Variants in CNTNAP5 observed in about 807,000 individuals in gnomAD.
CNTNAP5 encodes contactin-associated protein-like 5.
CNTNAP5 carries 72 observed loss-of-function variants against 150.2 expected under a neutral mutation model. The ratio of observed to expected loss-of-function variants is 0.48; its 90% CI spans 0.40 to 0.58. The LOEUF (loss-of-function observed/expected upper bound fraction) is 0.58. Among genes scored for constraint, CNTNAP5 ranks in the 20% least tolerant of loss-of-function variants. The pLI, the probability that CNTNAP5 is intolerant of heterozygous loss-of-function variation, is 0.00. For synonymous variants in CNTNAP5, 672 were observed against 619.8 expected (o/e 1.08, Z -1.25); for missense variants, 1,636 against 1,626.2 (o/e 1.01, Z -0.10).
chr2:124,807,626 A>C (rs577343147), intron 19 of CNTNAP5, among the ~76,000 whole-genome samples: 22 of 152,350 alleles, frequency 1.4e-4, no homozygotes, highest in African/African-American at 4.3e-4. Context: ...GTGGGGCTGG[A>C]AATCAAAGCC....
intron 1 of CNTNAP5, among the ~76,000 whole-genome samples, chr2:124,104,809 A>G (rs1362320057): frequency 6.6e-6 from 1 of 152,178 alleles, no homozygotes; most frequent in Non-Finnish European, 1.5e-5. Flanking sequence ...CATTCAAAAC[A>G]GCATAGGAGC....
At chr2:124,666,447 A>G (rs772651617) in intron 13 of CNTNAP5, among the ~76,000 whole-genome samples, 4 of 152,078 alleles carry the variant, frequency 2.6e-5, no homozygotes, top group East Asian at 1.9e-4. Context: ...TTAGTATCTT[A>G]TTGTCACAAA....
At chr2:124,265,042 C>T (rs1464765946) in intron 3 of CNTNAP5, among the ~76,000 whole-genome samples, 1 of 152,150 alleles carries the variant, frequency 6.6e-6, no homozygotes, top group Admixed American at 6.5e-5. Flanking sequence ...AATGGTGTTG[C>T]TAGAGGATGT....
chr2:124,789,903 G>A lies in CNTNAP5; in HGVS notation c.2754G>A (p.Gly918=), dbSNP rs1298225136. The part of the protein sequence containing the change: ...RLQLNSQLFV[G]GTSSRQKGFL... Reference sequence around the variant, plus strand: ...GTTTCCTTTTATTTAACCTCTTAGGGGGAACGTCATCCAGACAGAAAGGCT... The same window carrying A: ...GTTTCCTTTTATTTAACCTCTTAGGAGGAACGTCATCCAGACAGAAAGGCT... The change falls in exon 18 of 24, where the codon GGG becomes GGA. Residue 918 remains glycine (G), a splice_region_variant and synonymous_variant. Coordinates refer to ENST00000682447, the MANE Select transcript of CNTNAP5 (RefSeq NM_001367498.1). 2 of 1,612,826 alleles carry A rather than the reference G, an allele frequency of 1.2e-6. No homozygotes were observed. Among genetic ancestry groups the A allele is most frequent in the Non-Finnish European group, 1.7e-6 (2 of 1,179,404 alleles).
intron 19 of CNTNAP5, among the ~76,000 whole-genome samples, chr2:124,825,094 T>A (rs1383524192): frequency 3.9e-5 from 6 of 152,162 alleles, no homozygotes; most frequent in Admixed American, 2.6e-4. Flanking sequence ...ACCTGATAAT[T>A]ATTAGATAAA....
chr2:124,450,426 A>G (rs1287441085), intron 6 of CNTNAP5, among the ~76,000 whole-genome samples: 2 of 151,926 alleles, frequency 1.3e-5, no homozygotes, highest in Non-Finnish European at 2.9e-5. Context: ...CTTAGGGGAT[A>G]TCAATCAAGT....
intron 16 of CNTNAP5, among the ~76,000 whole-genome samples, chr2:124,772,523 G>A (rs752931626): frequency 2.0e-5 from 3 of 152,076 alleles, no homozygotes; most frequent in Admixed American, 1.3e-4. Flanking sequence ...CCAGGGCCTC[G>A]GCATTCATGC....
At chr2:124,137,127 A>G (rs1354775263) in intron 1 of CNTNAP5, among the ~76,000 whole-genome samples, 1 of 152,014 alleles carries the variant, frequency 6.6e-6, no homozygotes, top group Non-Finnish European at 1.5e-5. Flanking sequence ...GGGCTAGATG[A>G]CCCTTTCTAT....
intron 10 of CNTNAP5, among the ~76,000 whole-genome samples, chr2:124,540,738 C>T (rs1278841534): frequency 2.0e-5 from 3 of 151,996 alleles, no homozygotes; most frequent in East Asian, 1.9e-4. Context: ...TTCTGCTGTG[C>T]CAGGTGCTGG....
At chr2:124,884,512 T>G (rs999470106) in intron 21 of CNTNAP5, among the ~76,000 whole-genome samples, 2 of 152,050 alleles carry the variant, frequency 1.3e-5, no homozygotes, top group African/African-American at 2.4e-5. Context: ...GTGCTCATGT[T>G]TCAAAAGGAA....
intron 13 of CNTNAP5, among the ~76,000 whole-genome samples, chr2:124,716,388 G>A (rs573042631): frequency 1.1e-4 from 16 of 152,060 alleles, no homozygotes; most frequent in African/African-American, 2.7e-4. Flanking sequence ...AAATCCACAT[G>A]TACTATTTGG....
chr2:124,816,055 G>T (rs956370069), intron 19 of CNTNAP5, among the ~76,000 whole-genome samples: 12 of 152,194 alleles, frequency 7.9e-5, no homozygotes, highest in African/African-American at 2.9e-4. Context: ...GTTTATAGGG[G>T]TCTGTGTCTT....
At chr2:124,786,742 A>T (rs373281091) in intron 17 of CNTNAP5, among the ~76,000 whole-genome samples, 1 of 152,064 alleles carries the variant, frequency 6.6e-6, no homozygotes, top group African/African-American at 2.4e-5. Flanking sequence ...AGGGAAGATT[A>T]CTGTTGCCTT....
rs879909340 is a variant in CNTNAP5, at chr2:124,443,892, G to T, written c.734-2861G>T. Among the ~76,000 whole-genome samples the T allele has an allele frequency of 2.0e-5, 3 of 150,550 alleles. No individual in the cohort carries two copies. The Admixed American group carries it at 2.0e-4, about 10-fold the overall frequency. Reference sequence around the variant, plus strand: ...TAAATTTTCAAATGTTTAATATTTGGACTTATTATTAATAAATTTTTGTTC... The same window carrying T: ...TAAATTTTCAAATGTTTAATATTTGTACTTATTATTAATAAATTTTTGTTC... On this transcript the variant is annotated intron_variant, in intron 5 of 23. Transcript: ENST00000682447.
chr2:124,122,383 G>A (rs1397576731), intron 1 of CNTNAP5, among the ~76,000 whole-genome samples: 3 of 152,116 alleles, frequency 2.0e-5, no homozygotes, highest in Non-Finnish European at 4.4e-5. Context: ...AATGATTCTG[G>A]TAAAATTGTT....
intron 10 of CNTNAP5, among the ~76,000 whole-genome samples, chr2:124,542,342 G>A (rs1436579651): frequency 6.6e-6 from 1 of 150,576 alleles, no homozygotes; most frequent in Non-Finnish European, 1.5e-5. Context: ...AGAAGCTCAA[G>A]AGCAAGAGAG....
intron 1 of CNTNAP5, among the ~76,000 whole-genome samples, chr2:124,159,397 G>A (rs992340184): frequency 1.3e-5 from 2 of 152,180 alleles, no homozygotes; most frequent in African/African-American, 2.4e-5. Context: ...GAAAGCCATA[G>A]ACAATATGTA....
intron 11 of CNTNAP5, among the ~76,000 whole-genome samples, chr2:124,589,662 A>G (rs913522782): frequency 1.2e-4 from 19 of 152,182 alleles, no homozygotes; most frequent in Non-Finnish European, 2.5e-4. Flanking sequence ...CCCCTGTGCT[A>G]ATATCTTACG....
In CNTNAP5 at chr2:124,237,422, C is replaced by T. The variant is rs183639070; in HGVS notation, c.188-4778C>T. Among the ~76,000 whole-genome samples the T allele has an allele frequency of 7.9e-3, 1,208 of 152,260 alleles. 12 individuals are homozygous for T. The highest frequency in any genetic ancestry group is 7.7e-3 in the Non-Finnish European group (523 of 68,026). ...GGTTATTCTGCTTCATGCTTACAGCCTACCCTAGTGTGTGCAGTTTGGAAT... is the reference window on the plus strand; with the variant it reads ...GGTTATTCTGCTTCATGCTTACAGCTTACCCTAGTGTGTGCAGTTTGGAAT... On this transcript the variant is annotated intron_variant, in intron 2 of 23. Transcript: ENST00000682447.
Sources: allele counts gnomAD v4.1 joint callset (sites outside exome capture counted in the v4.1 genomes callset), GRCh38; gene constraint gnomAD v4.1.1; transcripts MANE v1.5; gene names NCBI Gene and HGNC (gene_info 2026-07-23, HGNC 2026-07-21).